NAV3: variants seen among roughly 807,000 people sequenced by gnomAD.
NAV3 encodes pore membrane and/or filament interacting like protein 1.
NAV3 carries 87 observed loss-of-function variants against 244.7 expected under a neutral mutation model. The ratio of observed to expected loss-of-function variants is 0.36; its 90% CI spans 0.30 to 0.42. The LOEUF is 0.42. Among genes scored for constraint, NAV3 ranks in the 20% least tolerant of loss-of-function variants. The pLI is 1.00. For synonymous variants in NAV3, 1,126 were observed against 1,042.2 expected (o/e 1.08, Z -1.55); for missense variants, 2,663 against 2,893.3 (o/e 0.92, Z 1.83).
chr12:77,677,408 C>T (rs374519258), intron 2 of NAV3, among the ~76,000 whole-genome samples: 1 of 152,164 alleles, frequency 6.6e-6, no homozygotes, highest in African/African-American at 2.4e-5. Context: ...TAGAAGGGCC[C>T]TGCACTTGGT....
chr12:77,811,892 C>A (rs1256630583), intron 2 of NAV3, among the ~76,000 whole-genome samples: 3 of 152,146 alleles, frequency 2.0e-5, no homozygotes, highest in Non-Finnish European at 4.4e-5. Flanking sequence ...TGTGAATTTG[C>A]CAACTCAAAC....
At chr12:77,710,151 T>C (rs998014253) in intron 2 of NAV3, among the ~76,000 whole-genome samples, 1 of 152,210 alleles carries the variant, frequency 6.6e-6, no homozygotes, top group African/African-American at 2.4e-5. Context: ...CTTTTTTCTT[T>C]TAAATACCCA....
At chr12:77,792,654 A>G (rs1294541310) in intron 2 of NAV3, among the ~76,000 whole-genome samples, 3 of 152,218 alleles carry the variant, frequency 2.0e-5, no homozygotes, top group Non-Finnish European at 4.4e-5. Context: ...AAAATTTTGC[A>G]GAACTTTCCC....
chr12:78,036,811 T>C lies in NAV3; in HGVS notation c.2024-13182T>C, dbSNP rs1879957671. ...TCAAATGGATCAGTTACAATCACAG[T>C]GTAACAAGACAATATGAAGTCCAAT... On this transcript the variant is annotated intron_variant, in intron 9 of 39. Coordinates refer to ENST00000397909, the MANE Select transcript of NAV3 (RefSeq NM_001024383.2). 4.8e-6 allele frequency: 3 copies of C among 625,220 alleles called. No homozygotes were observed. In the South Asian group the frequency reaches 5.5e-5, roughly 12 times the overall value. The allele number at this position is 625,220 out of a possible 1,614,324, so 38.7% of individuals were successfully genotyped here. A position where few individuals can be genotyped will look rare whatever the true frequency, so the allele number is the denominator to read the frequency against.
chr12:77,653,098 T>G (rs750338226), intron 2 of NAV3, among the ~76,000 whole-genome samples: 5 of 152,200 alleles, frequency 3.3e-5, no homozygotes, highest in African/African-American at 4.8e-5. Flanking sequence ...GCCTTTAATA[T>G]TGCTGATTTT....
At chr12:77,970,686 T>A (rs1325786597) in intron 5 of NAV3, among the ~76,000 whole-genome samples, 1 of 152,116 alleles carries the variant, frequency 6.6e-6, no homozygotes, top group African/African-American at 2.4e-5. Context: ...AGACTCATAG[T>A]GGAAAATAAA....
At chr12:78,004,785 G>A (rs1873910901) in intron 7 of NAV3, among the ~76,000 whole-genome samples, 1 of 152,018 alleles carries the variant, frequency 6.6e-6, no homozygotes, top group Non-Finnish European at 1.5e-5. Context: ...CTCTGTATAG[G>A]GACAGGCTGT....
chr12:77,586,810 T>C (rs568683749), intron 2 of NAV3, among the ~76,000 whole-genome samples: 90 of 152,338 alleles, frequency 5.9e-4, no homozygotes, highest in South Asian at 2.1e-3. Context: ...GTGGCTGTTA[T>C]GTTGGACAGC....
At chr12:77,704,201 G>GT (rs1875689477) in intron 2 of NAV3, among the ~76,000 whole-genome samples, 2 of 152,016 alleles carry the variant, frequency 1.3e-5, no homozygotes. Flanking sequence ...TACTCCATTA[G>GT]TTTTAATAAT....
chr12:77,991,736 A>G (rs909423608), intron 5 of NAV3, among the ~76,000 whole-genome samples: 4 of 152,130 alleles, frequency 2.6e-5, no homozygotes, highest in African/African-American at 7.2e-5. Context: ...ACAGAAACAT[A>G]AGAATATTTT....
At chr12:77,834,095 A>G (rs1205854070) in intron 1 of NAV3, among the ~76,000 whole-genome samples, 1 of 152,042 alleles carries the variant, frequency 6.6e-6, no homozygotes, top group Non-Finnish European at 1.5e-5. Flanking sequence ...ATAGGCACAG[A>G]ATGGGGAGGT....
chr12:77,939,552 T>A (rs975996504), intron 1 of NAV3, among the ~76,000 whole-genome samples: 1 of 152,200 alleles, frequency 6.6e-6, no homozygotes, highest in Non-Finnish European at 1.5e-5. Flanking sequence ...TTACAATTAG[T>A]AAGTATTCTA....
chr12:77,948,088 AGAT>A (rs1469092005), intron 3 of NAV3, among the ~76,000 whole-genome samples: 1 of 152,078 alleles, frequency 6.6e-6, no homozygotes, highest in Non-Finnish European at 1.5e-5. Flanking sequence ...AAAATGCCAA[AGAT>A]GATGATTTCT....
Position 77,813,478 on chromosome 12 carries a change from A to G in NAV3, c.73-126841A>G, listed in dbSNP as rs138020338. Among the ~76,000 whole-genome samples, 289 of 152,296 alleles carry G rather than the reference A, an allele frequency of 1.9e-3. 7 individuals carry two copies. Among genetic ancestry groups the G allele is most frequent in the Admixed American group, 0.014 (213 of 15,298 alleles). On this transcript the variant is annotated intron_variant, in intron 2 of 8. Coordinates refer to the NAV3 transcript ENST00000550042. Reference sequence around the variant, plus strand: ...TTAGAAGACCCTGAAGAAATTGCCTATTAGTTCCTGTCATTCAGATCACCA... The same window carrying G: ...TTAGAAGACCCTGAAGAAATTGCCTGTTAGTTCCTGTCATTCAGATCACCA...
intron 2 of NAV3, among the ~76,000 whole-genome samples, chr12:77,753,791 A>T (rs1054650657): frequency 3.3e-5 from 5 of 152,178 alleles, no homozygotes; most frequent in Non-Finnish European, 7.3e-5. Flanking sequence ...TTCCTGTCTA[A>T]TGCAAAATTG....
At chr12:77,941,210 AT>A (rs1406788650) in intron 3 of NAV3, 77 bp downstream of exon 3, 10 of 929,032 alleles carry the variant, frequency 1.1e-5, no homozygotes, top group East Asian at 7.5e-5. Flanking sequence ...AATGGATATT[AT>A]TTTTTTTCTG....
chr12:77,603,086 A>G (rs913523165), intron 2 of NAV3, among the ~76,000 whole-genome samples: 2 of 152,028 alleles, frequency 1.3e-5, no homozygotes, highest in African/African-American at 4.8e-5. Context: ...AGGGAATGGT[A>G]AAAACAATGT....
At chr12:77,892,315 A>G (rs1884029191) in intron 1 of NAV3, among the ~76,000 whole-genome samples, 1 of 152,176 alleles carries the variant, frequency 6.6e-6, no homozygotes, top group Non-Finnish European at 1.5e-5. Context: ...AATGTTGTCT[A>G]TATTTTCTTG....
At chr12:77,843,054 T>C (rs1323334606) in intron 1 of NAV3, among the ~76,000 whole-genome samples, 3 of 152,154 alleles carry the variant, frequency 2.0e-5, no homozygotes, top group Non-Finnish European at 2.9e-5. Flanking sequence ...TTCTACAGGG[T>C]GATATTTTTG....
Sources: allele counts gnomAD v4.1 joint callset (sites outside exome capture counted in the v4.1 genomes callset), GRCh38; gene constraint gnomAD v4.1.1; transcripts MANE v1.5; gene names NCBI Gene and HGNC (gene_info 2026-07-23, HGNC 2026-07-21).